Variants in LRTM1 observed in about 807,000 individuals in gnomAD.
LRTM1 encodes the protein leucine rich repeat transmembrane protein 1, also known as leucine-rich repeat and transmembrane domain-containing protein 1.
LRTM1 carries 38 observed loss-of-function variants against 32.4 expected under a neutral mutation model. That is an observed-to-expected ratio of 1.17 (90% CI 0.91 to 1.54). The LOEUF is 1.54. LRTM1 is among the 40% of genes most tolerant of loss of function. LRTM1 has a pLI of 0.00. For synonymous variants in LRTM1, 186 were observed against 169.9 expected, an observed-to-expected ratio of 1.09 and a Z score of -0.74; for missense variants, 466 against 415.4, an observed-to-expected ratio of 1.12 and a Z score of -1.06.
chr3:54,927,893 A>G lies in LRTM1; in HGVS notation c.7+12T>C. 6.2e-7 allele frequency: 1 copy of G among 1,613,668 alleles called. No homozygotes were observed. The highest frequency in any genetic ancestry group is 1.1e-5 in the South Asian group (1 of 91,052). ...ACAAGAACTTTTCCAACGGGAATTG[A>G]TCAGGGCTCACCTTTCATGACTGAG... On this transcript the variant is annotated intron_variant, in intron 1 of 2. Coordinates refer to ENST00000273286, the MANE Select transcript of LRTM1 (RefSeq NM_020678.4).
chr3:54,942,963 G>T (rs1173618423), intron 1 of LRTM1, among the ~76,000 whole-genome samples: 3 of 152,090 alleles, frequency 2.0e-5, no homozygotes, highest in African/African-American at 4.8e-5. Flanking sequence ...GGCGGAGGTT[G>T]CAGTGAGCTG....
At chr3:54,939,708 C>G (rs1180782616) in intron 1 of LRTM1, among the ~76,000 whole-genome samples, 1 of 152,200 alleles carries the variant, frequency 6.6e-6, no homozygotes, top group African/African-American at 2.4e-5. Context: ...CAGAAGCCGC[C>G]CCTGCAGGCC....
At chr3:54,923,789 C>A (rs925495711) in intron 2 of LRTM1, among the ~76,000 whole-genome samples, 1 of 152,162 alleles carries the variant, frequency 6.6e-6, no homozygotes, top group African/African-American at 2.4e-5. Context: ...TGATCTTGGG[C>A]AAGTCACTGA....
intron 1 of LRTM1, among the ~76,000 whole-genome samples, chr3:54,962,827 G>C (rs556437776): frequency 2.0e-5 from 3 of 152,290 alleles, no homozygotes; most frequent in African/African-American, 7.2e-5. Flanking sequence ...TTGTGTGCCA[G>C]GCATAGTGAG....
chr3:54,950,335 A>G (rs181367951), intron 1 of LRTM1, among the ~76,000 whole-genome samples: 12 of 152,314 alleles, frequency 7.9e-5, no homozygotes, highest in Non-Finnish European at 1.8e-4. Flanking sequence ...AGATGCAGCC[A>G]CTACAAAGGC....
chr3:54,924,516 C>G, intron 2 of LRTM1, 103 bp downstream of exon 2: 1 of 953,178 alleles, frequency 1.0e-6, no homozygotes. Context: ...CCCAAATCCA[C>G]CCCTTACACA....
At chr3:54,923,086 A>C (rs544421170) in intron 2 of LRTM1, among the ~76,000 whole-genome samples, 1 of 152,254 alleles carries the variant, frequency 6.6e-6, no homozygotes, top group East Asian at 1.9e-4. Flanking sequence ...CTTCTTCTGC[A>C]GCCTTTCGTC....
chr3:54,933,959 C>T (rs554137552), intron 1 of LRTM1, among the ~76,000 whole-genome samples: 10 of 151,882 alleles, frequency 6.6e-5, no homozygotes, highest in Non-Finnish European at 8.8e-5. Flanking sequence ...TTGGTAGAGA[C>T]GGGGTTTCGT....
At chr3:54,921,673 A>AT (rs1354650959) in intron 2 of LRTM1, among the ~76,000 whole-genome samples, 1 of 152,056 alleles carries the variant, frequency 6.6e-6, no homozygotes, top group East Asian at 1.9e-4. Context: ...TCCGCCATGC[A>AT]TTTTGTTCCC....
intron 1 of LRTM1, among the ~76,000 whole-genome samples, chr3:54,955,942 T>G (rs541913742): frequency 3.3e-5 from 5 of 152,084 alleles, no homozygotes; most frequent in Non-Finnish European, 5.9e-5. Context: ...GAGAAAAAAT[T>G]GGTATTCTCC....
At chr3:54,927,052 C>G (rs555936086) in intron 1 of LRTM1, among the ~76,000 whole-genome samples, 1 of 152,298 alleles carries the variant, frequency 6.6e-6, no homozygotes, top group Admixed American at 6.5e-5. Context: ...ATGAGCCACA[C>G]AGTAATATCC....
At chr3:54,921,416 G>A (rs1420750817) in intron 2 of LRTM1, among the ~76,000 whole-genome samples, 1 of 152,168 alleles carries the variant, frequency 6.6e-6, no homozygotes, top group Non-Finnish European at 1.5e-5. Flanking sequence ...GTTTAGTGAA[G>A]TGAAGATGAC....
At chr3:54,934,095 C>T (rs1161273467) in intron 1 of LRTM1, among the ~76,000 whole-genome samples, 1 of 152,130 alleles carries the variant, frequency 6.6e-6, no homozygotes, top group Non-Finnish European at 1.5e-5. Context: ...ACTTTTGATA[C>T]AAATTACAAA....
intron 1 of LRTM1, among the ~76,000 whole-genome samples, chr3:54,952,431 T>C (rs947391728): frequency 3.9e-5 from 6 of 152,170 alleles, no homozygotes; most frequent in Non-Finnish European, 1.5e-5. Flanking sequence ...GGAGCTCTTT[T>C]TGGGCTCTCA....
intron 1 of LRTM1, among the ~76,000 whole-genome samples, chr3:54,933,090 TTCCTTCCTTCCTTC>T (rs1701241355): frequency 6.9e-6 from 1 of 144,676 alleles, no homozygotes; most frequent in Non-Finnish European, 1.5e-5. Flanking sequence ...CCTTCCTTCC[TTCCTTCCTTCCTTC>T]CTTCCTTCCT....
chr3:54,936,387 A>G (rs995120971), intron 1 of LRTM1, among the ~76,000 whole-genome samples: 5 of 152,138 alleles, frequency 3.3e-5, no homozygotes, highest in African/African-American at 9.7e-5. Flanking sequence ...ATCAAGTGCA[A>G]TCTCAGTGAA....
chr3:54,925,908 TCTG>T (rs1377979468), intron 1 of LRTM1, among the ~76,000 whole-genome samples: 2 of 152,236 alleles, frequency 1.3e-5, no homozygotes, highest in Non-Finnish European at 2.9e-5. Context: ...AAGGATAGTG[TCTG>T]CTGCTTTTTT....
rs2106939881 is a variant in LRTM1, at chr3:54,924,728, G to T, written c.495C>A (p.Leu165=). The change falls in exon 2 of 3, where the codon CTC becomes CTA. Residue 165 remains leucine, a synonymous_variant. Transcript: ENST00000273286. The part of the protein sequence containing the change: ...QNQLQQLDRA[L]LESMPSVRLL... ...GCCTCACACTGGGCATGGATTCCAG[G>T]AGCGCTCGATCAAGCTGCTGAAGCT... is the stretch of plus-strand genomic sequence containing the variant. 1 of 1,614,112 alleles carries T rather than the reference G, an allele frequency of 6.2e-7. No homozygotes were observed. The highest frequency in any genetic ancestry group is 8.5e-7 in the Non-Finnish European group (1 of 1,180,024).
chr3:54,918,700 C>T lies in LRTM1; in HGVS notation c.797G>A (p.Arg266Gln), dbSNP rs11541701. ...TTTGAGCTCGCACTCCAAGAGTTCTCGCTCCCCCGCGTTGTGGTTCTCAGG... is the reference window on the plus strand; with the variant it reads ...TTTGAGCTCGCACTCCAAGAGTTCTTGCTCCCCCGCGTTGTGGTTCTCAGG... Reference protein sequence around the residue: ...RPPENHNAGERELLECELKPK... With the variant: ...RPPENHNAGEQELLECELKPK... Residue 266 changes from arginine (R) to glutamine (Q), a missense_variant, in exon 3 of 3, where the codon CGA (arginine) becomes CAA (glutamine). Coordinates refer to ENST00000273286, the MANE Select transcript of LRTM1 (RefSeq NM_020678.4). The T allele has an allele frequency of 1.5e-5, 24 of 1,614,030 alleles. No individual in the cohort carries two copies. Among genetic ancestry groups the T allele is most frequent in the Admixed American group, 3.3e-5 (2 of 59,996 alleles).
Sources: gnomAD v4.1 joint callset for allele counts (sites outside exome capture counted in the v4.1 genomes callset) on GRCh38, gnomAD v4.1.1 for gene constraint, MANE v1.5 for transcripts, NCBI Gene and HGNC (gene_info 2026-07-23, HGNC 2026-07-21) for gene names.